The following SLC38A8 variants were observed in gnomAD, a reference collection of about 807,000 sequenced individuals.
SLC38A8 encodes solute carrier family 38 member 8.
Under a neutral mutation model 46.0 loss-of-function variants are expected in SLC38A8, and 65 were observed. The ratio of observed to expected loss-of-function variants is 1.41; its 90% CI spans 1.16 to 1.74. The LOEUF (loss-of-function observed/expected upper bound fraction) is 1.74, where lower values mean the gene tolerates loss of function less well. Among genes scored for constraint, SLC38A8 ranks in the 40% most tolerant of loss-of-function variants. SLC38A8 has a pLI of 0.00. For synonymous variants in SLC38A8, 447 were observed against 243.7 expected (o/e 1.83, Z -7.77); for missense variants, 998 against 567.9 (o/e 1.76, Z -7.70).
At chr16:84,039,576 C>G (rs573019342) in intron 2 of SLC38A8, among the ~76,000 whole-genome samples, 2 of 152,052 alleles carry the variant, frequency 1.3e-5, no homozygotes, top group African/African-American at 2.4e-5. Flanking sequence ...GAAACCCCAT[C>G]TCTACTAAAA....
chr16:84,024,755 A>T (rs1341782224), intron 6 of SLC38A8, among the ~76,000 whole-genome samples: 2 of 151,880 alleles, frequency 1.3e-5, no homozygotes, highest in Non-Finnish European at 2.9e-5. Flanking sequence ...AGTGGCGCGA[A>T]CTTGGCTCGC....
Position 84,017,170 on chromosome 16 carries a change from GT to G in SLC38A8, c.922del (p.Thr308LeufsTer13). On this transcript the variant is annotated frameshift_variant, in exon 8 of 11. Coordinates refer to ENST00000299709, the MANE Select transcript of SLC38A8 (RefSeq NM_001080442.3). LOFTEE classifies it high-confidence loss of function. The part of the protein sequence containing the change: ...ARVLFAVSIV[T>X]VYPIVLFLGR... ...CAGGAAGAGCACGATGGGGTAGACAGTTACGATGGAGACAGCAAAAAGGACC... is the reference window on the plus strand; with the variant it reads ...CAGGAAGAGCACGATGGGGTAGACAGTACGATGGAGACAGCAAAAAGGACC... The G allele has an allele frequency of 2.5e-6, 4 of 1,614,134 alleles. No homozygotes were observed. Among genetic ancestry groups the G allele is most frequent in the Non-Finnish European group, 3.4e-6 (4 of 1,180,026 alleles).
intron 9 of SLC38A8, 41 bp downstream of exon 9, chr16:84,016,478 A>C (rs372969250): frequency 6.2e-7 from 1 of 1,602,372 alleles, no homozygotes; most frequent in Non-Finnish European, 8.5e-7. Context: ...ATGAGCAGGG[A>C]AGAACAAGTG....
intron 2 of SLC38A8, 22 bp from the exon 3 acceptor site, chr16:84,036,922 T>C (rs758123571): frequency 6.3e-7 from 1 of 1,593,348 alleles, no homozygotes; most frequent in Non-Finnish European, 8.5e-7. Context: ...GAGCAGGACC[T>C]GGAACTGGGG....
rs1377871996 is a variant in SLC38A8 at position 84,023,490 on chromosome 16, G to C, written c.691-601C>G. ...AACCCACATGCCCACCAAGAGCAGAGGGCGTAAGTAAATGGCAGGATACTA... is the reference window on the plus strand; with the variant it reads ...AACCCACATGCCCACCAAGAGCAGACGGCGTAAGTAAATGGCAGGATACTA... On this transcript the variant is annotated intron_variant, in intron 6 of 10. Transcript: ENST00000299709. 3.9e-5 allele frequency among the ~76,000 whole-genome samples: 6 copies of C among 152,174 alleles called. No individual in the cohort carries two copies. The South Asian group carries it at 1.0e-3, about 26-fold the overall frequency.
At position 84,036,854 on chromosome 16, in the gene SLC38A8, G is replaced by A. The variant is rs2085305670; in HGVS notation, c.236C>T (p.Ala79Val). 2.5e-6 allele frequency: 4 copies of A among 1,613,628 alleles called. No individual in the cohort carries two copies. The highest frequency in any genetic ancestry group is 3.4e-6 in the Non-Finnish European group (4 of 1,180,008). The change falls in exon 3 of 11, where the codon GCT (alanine) becomes GTT (valine). Residue 79 changes from alanine (A) to valine (V), a missense_variant. Ala to Val is a moderately conservative substitution (Grantham distance 64). Transcript: ENST00000299709. The stretch of plus-strand genomic sequence containing the variant: ...GGTGGCCTGGCCACTGACAGCAGCA[G>A]CATAGCCCAGGATGACCAGCCCGCT... The part of the protein sequence containing the change: ...LISGLVILGY[A>V]AAVSGQATYQ...
chr16:84,025,573 G>C (rs1020440697), intron 6 of SLC38A8, among the ~76,000 whole-genome samples: 2 of 152,150 alleles, frequency 1.3e-5, no homozygotes, highest in Non-Finnish European at 2.9e-5. Context: ...ATCGGAGCCT[G>C]CACCGAGCTG....
intron 2 of SLC38A8, 109 bp downstream of exon 2, chr16:84,041,860 C>T: frequency 1.0e-6 from 1 of 971,670 alleles, no homozygotes; most frequent in Non-Finnish European, 1.5e-6. Context: ...AACCCCGAAG[C>T]TATAGCTTAC....
intron 7 of SLC38A8, among the ~76,000 whole-genome samples, chr16:84,018,689 CCTA>C (rs1387182278): frequency 6.6e-6 from 1 of 152,158 alleles, no homozygotes; most frequent in African/African-American, 2.4e-5. Context: ...AGGAGAAAAG[CCTA>C]CGGATCTTAT....
At chr16:84,043,234 G>A (rs1001927375), upstream of SLC38A8, among the ~76,000 whole-genome samples, 1 of 152,212 alleles carries the variant, frequency 6.6e-6, no homozygotes, top group Non-Finnish European at 1.5e-5. Context: ...GGCCACGCTT[G>A]AGTGATGACA....
Position 84,009,841 on chromosome 16 carries a change from C to T in SLC38A8, c.1251G>A (p.Leu417=), listed in dbSNP as rs767859391. 12 of 1,613,982 alleles carry T rather than the reference C, an allele frequency of 7.4e-6. No homozygotes were observed. Among genetic ancestry groups the T allele is most frequent in the African/African-American group, 6.7e-5 (5 of 74,896 alleles). Residue 417 remains leucine (L), a synonymous_variant, in exon 11 of 11, where the codon CTG becomes CTA. Transcript: ENST00000299709. The part of the protein sequence containing the change: ...CLEVWGVVSV[L]VGTFIFGQST... ...TCTGCCCAAAGATGAAGGTGCCGAC[C>T]AGCACAGAGACCACTCCCCAGACCT...
At chr16:84,034,774 A>G (rs2085282982) in intron 3 of SLC38A8, among the ~76,000 whole-genome samples, 1 of 152,038 alleles carries the variant, frequency 6.6e-6, no homozygotes, top group Admixed American at 6.6e-5. Context: ...CTGCACCGAG[A>G]TCGTGGGTGA....
intron 10 of SLC38A8, among the ~76,000 whole-genome samples, chr16:84,012,342 G>A (rs149847269): frequency 1.3e-4 from 20 of 152,326 alleles, no homozygotes; most frequent in African/African-American, 4.3e-4. Flanking sequence ...AGGCTCAGTC[G>A]TGTCTGATCC....
At chr16:84,014,123 ACCT>A (rs2084993941) in intron 9 of SLC38A8, among the ~76,000 whole-genome samples, 1 of 150,832 alleles carries the variant, frequency 6.6e-6, no homozygotes, top group Non-Finnish European at 1.5e-5. Flanking sequence ...CACCTCTAAA[ACCT>A]CCTCTCAGAG....
In SLC38A8 at chr16:84,042,770, C is replaced by G. The variant is rs1051291119; in HGVS notation, c.-222G>C. 1.3e-5 allele frequency: 2 copies of G among 152,538 alleles called. No individual in the cohort carries two copies. Among genetic ancestry groups the G allele is most frequent in the African/African-American group, 4.8e-5 (2 of 41,432 alleles). The allele number at this position is 152,538 out of a possible 1,614,324, so 9.4% of individuals were successfully genotyped here. A position where few individuals can be genotyped will look rare whatever the true frequency, so the allele number is the denominator to read the frequency against. On this transcript the variant is annotated 5_prime_UTR_variant, in exon 1 of 11. Transcript: ENST00000299709. ...ACCTAAGAGGACAGCAACAAGTGGT[C>G]AGGGCCATGGGTCCCAAGAATTTGC... is the stretch of plus-strand genomic sequence containing the variant.
intron 6 of SLC38A8, among the ~76,000 whole-genome samples, chr16:84,027,236 G>C (rs1485760756): frequency 6.6e-6 from 1 of 152,158 alleles, no homozygotes; most frequent in Admixed American, 6.6e-5. Flanking sequence ...TGTAATCCCA[G>C]CTACTCAAGA....
At position 84,016,741 on chromosome 16, in the gene SLC38A8, C is replaced by A. The variant is rs759587595; in HGVS notation, c.954-14G>T. On this transcript the variant is annotated splice_polypyrimidine_tract_variant and intron_variant, in intron 8 of 10. Transcript: ENST00000299709. ...TGCATCACTGACCTGGAGGCCACAG[C>A]CAACACAGACACATGGGCATCTCAG... 2 of 1,607,282 alleles carry A rather than the reference C, an allele frequency of 1.2e-6. No homozygotes were observed. Among genetic ancestry groups the A allele is most frequent in the African/African-American group, 2.7e-5 (2 of 74,792 alleles).
Position 84,036,875 on chromosome 16 carries a change from C to A in SLC38A8, c.215G>T (p.Gly72Val), listed in dbSNP as rs1387496280. ...ELVSLVFLIS[G>V]LVILGYAAAV... ...AGCAGCATAGCCCAGGATGACCAGC[C>A]CGCTGATCAGGAAGACCAACGAGAC... The change falls in exon 3 of 11, where the codon GGG becomes GTG. Residue 72 changes from glycine to valine, a missense_variant. By Grantham distance (109) the Gly-to-Val change is moderately radical (BLOSUM62 -3). Transcript: ENST00000299709. 1 of 1,612,950 alleles carries A rather than the reference C, an allele frequency of 6.2e-7. No individual in the cohort carries two copies. The highest frequency in any genetic ancestry group is 8.5e-7 in the Non-Finnish European group (1 of 1,179,944).
intron 9 of SLC38A8, among the ~76,000 whole-genome samples, chr16:84,015,420 G>A (rs2085013475): frequency 6.6e-6 from 1 of 152,050 alleles, no homozygotes; most frequent in Non-Finnish European, 1.5e-5. Flanking sequence ...AGGAGGGAAG[G>A]GAGACATTTG....
Sources: allele counts gnomAD v4.1 joint callset (sites outside exome capture counted in the v4.1 genomes callset), GRCh38; gene constraint gnomAD v4.1.1; transcripts MANE v1.5; gene names NCBI Gene and HGNC (gene_info 2026-07-23, HGNC 2026-07-21).